The following TPO variants were observed in gnomAD, a reference collection of about 807,000 sequenced individuals.
The protein encoded by TPO is thyroid microsomal antigen.
A neutral mutation model predicts 96.9 loss-of-function variants in TPO; 78 were observed. That is an observed-to-expected ratio of 0.81 (90% CI 0.67 to 0.97). The LOEUF (loss-of-function observed/expected upper bound fraction) is 0.97, where lower values mean the gene tolerates loss of function less well. Ranked by LOEUF, TPO falls within the 50% of genes least tolerant of loss-of-function variation. The pLI, the probability that TPO is intolerant of heterozygous loss-of-function variation, is 0.00. For missense variants in TPO, 1,252 were observed against 1,274.8 expected, an observed-to-expected ratio of 0.98 and a Z score of 0.27; for synonymous variants, 547 against 538.0, an observed-to-expected ratio of 1.02 and a Z score of -0.23.
At position 1,528,889 on chromosome 2, in the gene TPO, C is replaced by T. The variant is rs1194957617; in HGVS notation, c.2619-11705C>T. ...GTGTGCAACCTCCCCAAATCCTCTC[C>T]ACTGTGTGCAACCTCCTCACGTCCC... On this transcript the variant is annotated intron_variant, in intron 15 of 16. Coordinates refer to ENST00000329066, the MANE Select transcript of TPO (RefSeq NM_001206744.2). 6.2e-5 allele frequency among the ~76,000 whole-genome samples: 9 copies of T among 145,658 alleles called. No individual in the cohort carries two copies. In the East Asian group the frequency reaches 1.1e-3, roughly 18 times the overall value.
At chr2:1,504,769 C>G (rs1328425582) in intron 14 of TPO, among the ~76,000 whole-genome samples, 3 of 152,202 alleles carry the variant, frequency 2.0e-5, no homozygotes. Context: ...GAGAGACGCT[C>G]CTGGTCACAC....
intron 1 of TPO, among the ~76,000 whole-genome samples, chr2:1,395,446 C>G (rs1662065258): frequency 6.6e-6 from 1 of 151,922 alleles, no homozygotes. Context: ...GAAGCAAGGC[C>G]CAAGTTTCTT....
At position 1,496,684 on chromosome 2, in the gene TPO, C is replaced by T. The variant is rs114406277; in HGVS notation, c.2305C>T (p.Arg769Trp). 1.2e-3 allele frequency: 1,865 copies of T among 1,613,966 alleles called. 13 individuals carry two copies. The African/African-American group carries it at 0.021, about 18-fold the overall frequency. ...GAGGCGCGTGCTGGTGTATTCCTGC[C>T]GGCACGGGTATGAGCTCCAAGGCCG... ...SGRRVLVYSC[R>W]HGYELQGREQ... Residue 769 changes from arginine to tryptophan, a missense_variant, in exon 13 of 17, where the codon CGG (arginine) becomes TGG (tryptophan). Physicochemically the swap from Arg to Trp is moderately radical, Grantham distance 101. Coordinates refer to ENST00000329066, the MANE Select transcript of TPO (RefSeq NM_001206744.2).
At chr2:1,411,835 G>A (rs1215068498), upstream of TPO, among the ~76,000 whole-genome samples, 1 of 152,152 alleles carries the variant, frequency 6.6e-6, no homozygotes, top group South Asian at 2.1e-4. Context: ...CTAACACTAA[G>A]GCCAGTGGAT....
intron 1 of TPO, among the ~76,000 whole-genome samples, chr2:1,388,303 C>G (rs1427511513): frequency 6.6e-6 from 1 of 152,206 alleles, no homozygotes; most frequent in Admixed American, 6.5e-5. Context: ...GCCCTGCCCC[C>G]AGAGGTGGAG....
intron 1 of TPO, among the ~76,000 whole-genome samples, chr2:1,380,771 G>T (rs1661798600): frequency 6.6e-6 from 1 of 152,132 alleles, no homozygotes; most frequent in South Asian, 2.1e-4. Flanking sequence ...TTGCTATAAA[G>T]AAATACCTGA....
intron 15 of TPO, among the ~76,000 whole-genome samples, chr2:1,521,255 T>C (rs542456104): frequency 2.6e-5 from 4 of 152,368 alleles, no homozygotes; most frequent in African/African-American, 9.6e-5. Flanking sequence ...CCAGGACGTC[T>C]AACCCTTTGT....
intron 10 of TPO, 121 bp downstream of exon 10, chr2:1,488,112 C>A: frequency 7.1e-7 from 1 of 1,414,976 alleles, no homozygotes; most frequent in Non-Finnish European, 9.7e-7. Flanking sequence ...GCCTTCTAAG[C>A]AACGGCTCTT....
At chr2:1,432,111 GC>G (rs1665035926) in intron 3 of TPO, among the ~76,000 whole-genome samples, 1 of 152,256 alleles carries the variant, frequency 6.6e-6, no homozygotes, top group South Asian at 2.1e-4. Context: ...GCTGTCTGGA[GC>G]CCCCAGAGCA....
chr2:1,383,977 A>C (rs10188526), intron 1 of TPO, among the ~76,000 whole-genome samples: 4 of 152,182 alleles, frequency 2.6e-5, no homozygotes, highest in East Asian at 3.9e-4. Flanking sequence ...AATAGGGAAT[A>C]CTTTCCCCAT....
At position 1,453,767 on chromosome 2, in the gene TPO, A is replaced by G. The variant is rs772005856; in HGVS notation, c.556A>G (p.Ser186Gly). 5.0e-6 allele frequency: 8 copies of G among 1,613,790 alleles called. No homozygotes were observed. The African/African-American group carries it at 8.0e-5, about 16-fold the overall frequency. Residue 186 changes from serine to glycine, a missense_variant, in exon 6 of 17, where the codon AGT becomes GGT. By Grantham distance (56) the Ser-to-Gly change is moderately conservative. Coordinates refer to ENST00000329066, the MANE Select transcript of TPO (RefSeq NM_001206744.2). The stretch of plus-strand genomic sequence containing the variant: ...CCCTCCAGTCTATGAGGACGGCTTC[A>G]GTCAGCCCCGAGGCTGGAACCCCGG... ...WLPPVYEDGF[S>G]QPRGWNPGFL... is the part of the protein sequence containing the mutation.
At chr2:1,440,418 A>G (rs944050585) in intron 5 of TPO, among the ~76,000 whole-genome samples, 2 of 152,240 alleles carry the variant, frequency 1.3e-5, no homozygotes, top group Admixed American at 6.5e-5. Flanking sequence ...CTAATTGCCT[A>G]GGACGTATCA....
chr2:1,542,229 C>T, intron 16 of TPO, 192 bp from the exon 17 acceptor site: 1 of 751,858 alleles, frequency 1.3e-6, no homozygotes, highest in Non-Finnish European at 2.2e-6. Context: ...CTGTGGCCTC[C>T]TGCAAACAAG....
chr2:1,541,257 G>A (rs781238537), intron 16 of TPO: 1 of 1,050,936 alleles, frequency 9.5e-7, no homozygotes, highest in East Asian at 7.1e-5. Flanking sequence ...GCTGGTCACA[G>A]GCACAAAGTC....
intron 4 of TPO, 109 bp from the exon 5 acceptor site, chr2:1,436,143 A>G (rs1665545996): frequency 6.4e-7 from 1 of 1,567,666 alleles, no homozygotes; most frequent in East Asian, 2.2e-5. Flanking sequence ...CCAGTTACAT[A>G]TGAATCCCAA....
intron 10 of TPO, among the ~76,000 whole-genome samples, chr2:1,493,319 G>A (rs1231436064): frequency 6.6e-6 from 1 of 151,350 alleles, no homozygotes; most frequent in African/African-American, 2.4e-5. Flanking sequence ...AGAACTAAGT[G>A]CAGGCTGGGC....
chr2:1,387,723 T>G (rs1348506456), intron 1 of TPO, among the ~76,000 whole-genome samples: 1 of 152,232 alleles, frequency 6.6e-6, no homozygotes, highest in Non-Finnish European at 1.5e-5. Flanking sequence ...TCAAAGTCAT[T>G]CTTTGTCCAG....
chr2:1,464,049 C>T lies in TPO; in HGVS notation c.819+7767C>T, dbSNP rs28910582. Among the ~76,000 whole-genome samples the T allele has an allele frequency of 4.4e-3, 677 of 152,312 alleles. 5 individuals carry two copies. The highest frequency in any genetic ancestry group is 6.8e-3 in the South Asian group (33 of 4,822). ...GTAGCTTTTTATCTCTCACTCCCTTCCCACCCTTTCCCCCTGAGTCCCCAA... is the reference window on the plus strand; with the variant it reads ...GTAGCTTTTTATCTCTCACTCCCTTTCCACCCTTTCCCCCTGAGTCCCCAA... On this transcript the variant is annotated intron_variant, in intron 7 of 16. Coordinates refer to ENST00000329066, the MANE Select transcript of TPO (RefSeq NM_001206744.2).
At chr2:1,541,384 G>A (rs1227710281) in intron 16 of TPO, 2 of 195,048 alleles carry the variant, frequency 1.0e-5, no homozygotes, top group Non-Finnish European at 2.0e-5. Flanking sequence ...TTGAGATAGA[G>A]TCTTGCTCTG....
Sources: gnomAD v4.1 joint callset for allele counts (sites outside exome capture counted in the v4.1 genomes callset) on GRCh38, gnomAD v4.1.1 for gene constraint, MANE v1.5 for transcripts, NCBI Gene and HGNC (gene_info 2026-07-23, HGNC 2026-07-21) for gene names.